The following POTEF variants were observed in gnomAD, a reference collection of about 807,000 sequenced individuals.
POTEF encodes the protein POTE ankyrin domain family member F, also known as ANKRD26-like family C member 1B.
A neutral mutation model predicts 83.2 loss-of-function variants in POTEF; 20 were observed. The ratio of observed to expected loss-of-function variants is 0.24; its 90% confidence interval spans 0.17 to 0.35. POTEF has a LOEUF of 0.35. Ranked by LOEUF, POTEF falls within the 10% of genes least tolerant of loss-of-function variation. The pLI is 1.00. For synonymous variants in POTEF, 196 were observed against 446.4 expected, an observed-to-expected ratio of 0.44 and a Z score of 7.07; for missense variants, 550 against 1,203.2, an observed-to-expected ratio of 0.46 and a Z score of 8.03.
rs1221960457 is a variant in POTEF at position 130,075,294 on chromosome 2, G to A, written c.2178C>T (p.Ala726=). The change falls in exon 17 of 17, where the codon GCC becomes GCT. Residue 726 remains alanine (A), a synonymous_variant. Coordinates refer to ENST00000409914, the MANE Select transcript of POTEF (RefSeq NM_001099771.2). ...MCKAGFAGDD[A]PRAVFPSIVG... is the part of the protein sequence containing the mutation. ...CGATGGAAGGGAAGACAGCCCGGGG[G>A]GCATCGTCGCCCGCAAAGCCGGCCT... 3.7e-6 allele frequency: 6 copies of A among 1,612,654 alleles called. No individual in the cohort carries two copies. In the African/African-American group the frequency reaches 4.0e-5, roughly 11 times the overall value.
intron 5 of POTEF, among the ~76,000 whole-genome samples, chr2:130,112,893 A>G (rs1206380140): frequency 5.9e-5 from 9 of 151,974 alleles, no homozygotes; most frequent in Non-Finnish European, 1.2e-4. Context: ...TGACCTAAGT[A>G]CTTGAATGAC....
At chr2:130,104,311 C>T (rs951385327) in intron 8 of POTEF, among the ~76,000 whole-genome samples, 1 of 142,966 alleles carries the variant, frequency 7.0e-6, no homozygotes, top group Non-Finnish European at 1.5e-5. Flanking sequence ...AGCAAAGAAA[C>T]CACATTGTGT....
chr2:130,107,354 T>A (rs923444695), intron 8 of POTEF, among the ~76,000 whole-genome samples: 2 of 151,028 alleles, frequency 1.3e-5, no homozygotes, highest in African/African-American at 5.0e-5. Context: ...GAGAACTTAT[T>A]GGGACAAGCA....
At chr2:130,122,147 AAT>A (rs911656778) in intron 2 of POTEF, among the ~76,000 whole-genome samples, 1 of 145,052 alleles carries the variant, frequency 6.9e-6, no homozygotes, top group Admixed American at 7.0e-5. Flanking sequence ...AGCATGTATT[AAT>A]ATGTTTTTCT....
In POTEF at chr2:130,087,372, ACTTT is replaced by A. The variant is rs1244963486; in HGVS notation, c.1551+691_1551+694del. 7.0e-4 allele frequency among the ~76,000 whole-genome samples: 2 copies of A among 2,858 alleles called. 1 individual carries two copies. The highest frequency in any genetic ancestry group is 7.8e-3 in the Admixed American group (2 of 256). The allele number at this position is 2,858 out of a possible 152,430, so 1.9% of individuals were successfully genotyped here. A position where few individuals can be genotyped will look rare whatever the true frequency, so the allele number is the denominator to read the frequency against. On this transcript the variant is annotated intron_variant, in intron 13 of 16. Coordinates refer to ENST00000409914, the MANE Select transcript of POTEF (RefSeq NM_001099771.2). The stretch of plus-strand genomic sequence containing the variant: ...ATAATATGATTCAATCATTGATGTT[ACTTT>A]CTTTATCATGTTAGGGTGTTGTAAA...
At chr2:130,115,752 T>TA (rs1304828268) in intron 3 of POTEF, among the ~76,000 whole-genome samples, 4 of 152,194 alleles carry the variant, frequency 2.6e-5, no homozygotes, top group Non-Finnish European at 5.9e-5. Flanking sequence ...CAATAATTGT[T>TA]AGATATTTTA....
At chr2:130,126,735 T>C (rs1056352913) in intron 2 of POTEF, among the ~76,000 whole-genome samples, 9 of 151,950 alleles carry the variant, frequency 5.9e-5, no homozygotes, top group Admixed American at 3.9e-4. Context: ...CCCTAAAACA[T>C]AGTAAAGGAC....
In POTEF at chr2:130,074,985, G is replaced by C; in HGVS notation, c.2487C>G (p.Thr829=). Residue 829 remains threonine, a synonymous_variant, in exon 17 of 17, where the codon ACC becomes ACG. Coordinates refer to ENST00000409914, the MANE Select transcript of POTEF (RefSeq NM_001099771.2). Reference sequence around the variant, plus strand: ...CCTGGATGGCCACGTACATGGCTGGGGTGTTGAAGGTCTCAAACATGATCT... The same window carrying C: ...CCTGGATGGCCACGTACATGGCTGGCGTGTTGAAGGTCTCAAACATGATCT... ...MTQIMFETFN[T]PAMYVAIQAV... is the part of the protein sequence containing the mutation. 5 of 1,612,908 alleles carry C rather than the reference G, an allele frequency of 3.1e-6. No individual in the cohort carries two copies. Among genetic ancestry groups the C allele is most frequent in the Non-Finnish European group, 4.2e-6 (5 of 1,179,816 alleles).
chr2:130,107,502 T>C (rs895638834), intron 8 of POTEF, among the ~76,000 whole-genome samples: 1 of 151,030 alleles, frequency 6.6e-6, no homozygotes, highest in African/African-American at 2.5e-5. Flanking sequence ...CATGGACTAT[T>C]ATGAACCACA....
chr2:130,110,499 A>G, intron 7 of POTEF, 44 bp downstream of exon 7: 1 of 1,169,790 alleles, frequency 8.5e-7, no homozygotes. Context: ...AATTATTTTA[A>G]ACCTCAATTC....
At position 130,075,387 on chromosome 2, in the gene POTEF, T is replaced by C. The variant is rs1683766032; in HGVS notation, c.2085A>G (p.Gln695=). 5 of 1,611,812 alleles carry C rather than the reference T, an allele frequency of 3.1e-6. No homozygotes were observed. The highest frequency in any genetic ancestry group is 4.2e-6 in the Non-Finnish European group (5 of 1,179,796). The change falls in exon 17 of 17, where the codon CAA becomes CAG. Residue 695 remains glutamine, a synonymous_variant. Coordinates refer to ENST00000409914, the MANE Select transcript of POTEF (RefSeq NM_001099771.2). The part of the protein sequence containing the change: ...KRNDNLLKAL[Q]LNELTMDDDT... ...CATCATCCATGGTGAGCTCATTCAA[T>C]TGTAGAGCCTTTAAAAGATTATCAT...
intron 2 of POTEF, 95 bp downstream of exon 2, chr2:130,127,614 A>G (rs1685129312): frequency 6.6e-6 from 1 of 152,430 alleles, no homozygotes. Context: ...CACTACCACC[A>G]CTAGCACCAA....
intron 6 of POTEF, among the ~76,000 whole-genome samples, chr2:130,111,347 C>T (rs1298690805): frequency 0.02 from 2,957 of 146,398 alleles, 19 homozygotes; most frequent in African/African-American, 0.077. Context: ...TTATCACCCA[C>T]GTACGGCTTG....
At chr2:130,105,115 CTCAT>C (rs1386328741) in intron 8 of POTEF, among the ~76,000 whole-genome samples, 3 of 142,954 alleles carry the variant, frequency 2.1e-5, no homozygotes, top group Non-Finnish European at 4.5e-5. Flanking sequence ...CCAAGCCTTT[CTCAT>C]TCAATTATCA....
chr2:130,103,749 A>G (rs1244239905), intron 8 of POTEF, among the ~76,000 whole-genome samples: 1 of 147,846 alleles, frequency 6.8e-6, no homozygotes, highest in Admixed American at 6.8e-5. Context: ...AAATATTGAG[A>G]CTAGCCAGAT....
chr2:130,128,718 C>T lies in POTEF; in HGVS notation c.-250+354G>A, dbSNP rs187821401. 2.5e-4 allele frequency among the ~76,000 whole-genome samples: 37 copies of T among 149,446 alleles called. No individual in the cohort carries two copies. The South Asian group carries it at 3.1e-3, about 13-fold the overall frequency. ...CCCTGAGTAAGGGCAGTGCAGCACC[C>T]GACAACACTCCTAAACCACCCCCCG... is the stretch of plus-strand genomic sequence containing the variant. On this transcript the variant is annotated intron_variant, in intron 1 of 16. Coordinates refer to ENST00000409914, the MANE Select transcript of POTEF (RefSeq NM_001099771.2).
At chr2:130,116,967 T>C (rs62163068) in intron 3 of POTEF, among the ~76,000 whole-genome samples, 63,701 of 112,774 alleles carry the variant, frequency 0.56, 18,840 homozygotes, top group Admixed American at 0.65. Context: ...TCCTGAGAGA[T>C]AGTAGAATAT....
In POTEF at chr2:130,128,204, C is replaced by T. The variant is rs918082208; in HGVS notation, c.-249-340G>A. On this transcript the variant is annotated intron_variant, in intron 1 of 16. Coordinates refer to ENST00000409914, the MANE Select transcript of POTEF (RefSeq NM_001099771.2). Reference sequence around the variant, plus strand: ...ACAGTGCCCTGTTCCCACAGTCCCCCGCGATGCCCACTAATCCCCACCCGG... The same window carrying T: ...ACAGTGCCCTGTTCCCACAGTCCCCTGCGATGCCCACTAATCCCCACCCGG... Among the ~76,000 whole-genome samples, 80 of 149,376 alleles carry T rather than the reference C, an allele frequency of 5.4e-4. 2 individuals are homozygous for T. The highest frequency in any genetic ancestry group is 1.9e-3 in the African/African-American group (77 of 39,868).
Position 130,075,117 on chromosome 2 carries a change from G to C in POTEF, c.2355C>G (p.Ile785Met), listed in dbSNP as rs2104771410. 1.2e-6 allele frequency: 2 copies of C among 1,613,722 alleles called. No homozygotes were observed. The highest frequency in any genetic ancestry group is 2.2e-5 in the East Asian group (1 of 44,858). ...GCTCGTTGTAGAAGGTGTGGTGCCA[G>C]ATCTTCTCCATGTCATCCCAGTTGG... ...IITNWDDMEKIWHHTFYNELR... is the reference protein window; with the variant it reads ...IITNWDDMEKMWHHTFYNELR... The change falls in exon 17 of 17, where the codon ATC becomes ATG. Residue 785 changes from isoleucine (I) to methionine (M), a missense_variant. By Grantham distance (10) the Ile-to-Met change is conservative (BLOSUM62 1). Transcript: ENST00000409914.
Sources: allele counts gnomAD v4.1 joint callset (sites outside exome capture counted in the v4.1 genomes callset), GRCh38; gene constraint gnomAD v4.1.1; transcripts MANE v1.5; gene names NCBI Gene and HGNC (gene_info 2026-07-23, HGNC 2026-07-21).